The following ZP3 variants were observed in gnomAD, a reference collection of about 807,000 sequenced individuals.
ZP3 encodes zona pellucida sperm-binding protein 3.
A neutral mutation model predicts 35.6 loss-of-function variants in ZP3; 21 were observed. The observed-to-expected ratio is 0.59, with a 90% CI of 0.42 to 0.85. The LOEUF is 0.85. Among genes scored for constraint, ZP3 ranks in the 40% least tolerant of loss-of-function variants. ZP3 has a pLI of 0.00. For synonymous variants in ZP3, 207 were observed against 214.5 expected, an observed-to-expected ratio of 0.96 and a Z score of 0.31; for missense variants, 437 against 536.5, an observed-to-expected ratio of 0.81 and a Z score of 1.83.
Position 76,418,773 on chromosome 7 carries a change from G to A in ZP3, c.-66-6279G>A, listed in dbSNP as rs553222103. On this transcript the variant is annotated intron_variant, in intron 1 of 8. Coordinates refer to the ZP3 transcript ENST00000336517. Reference sequence around the variant, plus strand: ...TGGGAAGCTGAGGCAGGAGAATGGCGTGAACCCGGGAGGCGGAGCTTGCAA... The same window carrying A: ...TGGGAAGCTGAGGCAGGAGAATGGCATGAACCCGGGAGGCGGAGCTTGCAA... Among the ~76,000 whole-genome samples the A allele has an allele frequency of 4.7e-5, 7 of 149,018 alleles. No individual in the cohort carries two copies. In the South Asian group the frequency reaches 1.1e-3, roughly 23 times the overall value.
At chr7:76,433,099 TG>T (rs1250673492) in intron 3 of ZP3, 69 bp downstream of exon 3, 5 of 1,362,554 alleles carry the variant, frequency 3.7e-6, no homozygotes, top group African/African-American at 1.4e-5. Flanking sequence ...TGCCCTTGGC[TG>T]TGTCTTTTTT....
upstream of ZP3, among the ~76,000 whole-genome samples, chr7:76,420,547 C>A (rs1805481462): frequency 6.6e-6 from 1 of 152,122 alleles, no homozygotes; most frequent in South Asian, 2.1e-4. Flanking sequence ...ACTCTGACTG[C>A]CAATACAGTT....
upstream of ZP3, among the ~76,000 whole-genome samples, chr7:76,423,027 GAAAGAAAGAAAGAAAGAA>G (rs1204958006): frequency 4.5e-3 from 309 of 69,028 alleles, 11 homozygotes; most frequent in East Asian, 0.017. Context: ...GAGAGAGAGA[GAAAGAAAGAAAGAAAGAA>G]AGAAAGAAAG....
chr7:76,431,195 T>G (rs1805815959), intron 2 of ZP3, among the ~76,000 whole-genome samples: 1 of 152,052 alleles, frequency 6.6e-6, no homozygotes, highest in Non-Finnish European at 1.5e-5. Flanking sequence ...TAAGAGCAGT[T>G]GGAGGAGCTT....
chr7:76,410,020 T>G (rs1458164244), intron 1 of ZP3, among the ~76,000 whole-genome samples: 1 of 152,110 alleles, frequency 6.6e-6, no homozygotes, highest in Non-Finnish European at 1.5e-5. Context: ...TGATTTTGCC[T>G]TCTTTTTTTT....
At chr7:76,441,711 T>C in intron 7 of ZP3, 131 bp from the exon 8 acceptor site, 2 of 1,231,328 alleles carry the variant, frequency 1.6e-6, no homozygotes, top group Non-Finnish European at 1.2e-6. Context: ...TTTTTTTGTC[T>C]AGAAACTGTT....
chr7:76,435,971 G>A (rs1381213662), intron 5 of ZP3, among the ~76,000 whole-genome samples: 14 of 137,710 alleles, frequency 1.0e-4, no homozygotes, highest in Admixed American at 9.3e-4. Context: ...TTATCCAACC[G>A]CCTCAGCTTC....
intron 1 of ZP3, among the ~76,000 whole-genome samples, chr7:76,427,471 G>A (rs546997607): frequency 1.4e-4 from 20 of 145,736 alleles, no homozygotes; most frequent in Non-Finnish European, 1.9e-4. Flanking sequence ...AGTTGAGATC[G>A]TGCCACTGCA....
At chr7:76,425,417 T>G in intron 1 of ZP3, 141 bp downstream of exon 1, 1 of 910,412 alleles carries the variant, frequency 1.1e-6, no homozygotes, top group Non-Finnish European at 1.6e-6. Flanking sequence ...AGTTGAGGCC[T>G]GAAGCTGGCA....
upstream of ZP3, among the ~76,000 whole-genome samples, chr7:76,422,657 C>T (rs1358936558): frequency 4.3e-5 from 6 of 139,852 alleles, no homozygotes; most frequent in Non-Finnish European, 3.0e-5. Context: ...CCAGCCTGGG[C>T]GACAGAGCAA....
chr7:76,409,104 G>A (rs1805144956), intron 1 of ZP3, among the ~76,000 whole-genome samples: 2 of 152,106 alleles, frequency 1.3e-5, no homozygotes, highest in African/African-American at 4.8e-5. Context: ...TTTCTCCATC[G>A]AGACTGCAGA....
intron 1 of ZP3, 196 bp from the exon 2 acceptor site, chr7:76,429,319 A>T: frequency 1.7e-6 from 1 of 573,868 alleles, no homozygotes; most frequent in Non-Finnish European, 3.2e-6. Flanking sequence ...TTCCCAGGCC[A>T]GTCTCAAACT....
chr7:76,429,396 C>A, intron 1 of ZP3, 119 bp from the exon 2 acceptor site: 1 of 918,358 alleles, frequency 1.1e-6, no homozygotes. Context: ...CTGCACCTGG[C>A]CTTGACCCTG....
At chr7:76,413,107 C>T (rs904272213) in intron 1 of ZP3, among the ~76,000 whole-genome samples, 1 of 151,598 alleles carries the variant, frequency 6.6e-6, no homozygotes, top group Non-Finnish European at 1.5e-5. Context: ...GGACTACAGG[C>T]GCGTGCCACT....
intron 1 of ZP3, among the ~76,000 whole-genome samples, chr7:76,416,817 T>TCTCTCTCTATACAC (rs1491118552): frequency 8.5e-5 from 7 of 82,224 alleles, no homozygotes; most frequent in Admixed American, 1.1e-4. Context: ...TCTCTCTCTC[T>TCTCTCTCTATACAC]ATATATATAT....
chr7:76,441,728 C>T lies in ZP3; in HGVS notation c.1061-114C>T, dbSNP rs901978124. 2.1e-5 allele frequency: 25 copies of T among 1,166,818 alleles called. No individual in the cohort carries two copies. The African/African-American group carries it at 2.9e-4, about 13-fold the overall frequency. 72.3% of individuals were successfully genotyped at this position (1,166,818 alleles called of 1,614,324 possible). A position where few individuals can be genotyped will look rare whatever the true frequency, so the allele number is the denominator to read the frequency against. On this transcript the variant is annotated intron_variant, in intron 7 of 7. Coordinates refer to ENST00000394857, the MANE Select transcript of ZP3 (RefSeq NM_001110354.2). ...TTTTTGTCTAGAAACTGTTTATTAG[C>T]CCACACAAAAAAGACAACATATTAG...
intron 1 of ZP3, chr7:76,404,382 A>AC: frequency 6.2e-7 from 1 of 1,613,826 alleles, no homozygotes; most frequent in Admixed American, 1.7e-5. Flanking sequence ...CCCAACCTCC[A>AC]CCCCCAGCGC....
intron 1 of ZP3, among the ~76,000 whole-genome samples, chr7:76,402,754 C>G (rs1804872260): frequency 1.3e-5 from 2 of 152,170 alleles, no homozygotes; most frequent in South Asian, 4.1e-4. Flanking sequence ...ACCGCAACCT[C>G]CCCCTCCTGG....
chr7:76,428,180 A>G (rs75519057), intron 1 of ZP3, among the ~76,000 whole-genome samples: 9,375 of 149,660 alleles, frequency 0.063, 329 homozygotes, highest in African/African-American at 0.078. Flanking sequence ...AAAAAAAAAA[A>G]GGCACGGTGG....
Sources: gnomAD v4.1 joint callset for allele counts (sites outside exome capture counted in the v4.1 genomes callset) on GRCh38, gnomAD v4.1.1 for gene constraint, MANE v1.5 for transcripts, NCBI Gene and HGNC (gene_info 2026-07-23, HGNC 2026-07-21) for gene names.